The following XRCC4 variants were observed in gnomAD, a reference collection of about 807,000 sequenced individuals.
XRCC4 encodes the protein X-ray repair cross complementing 4.
A neutral mutation model predicts 39.1 loss-of-function variants in XRCC4; 28 were observed. The ratio of observed to expected loss-of-function variants is 0.72; its 90% CI spans 0.53 to 0.98. The LOEUF is 0.98. XRCC4 is among the 50% of genes least tolerant of loss of function. XRCC4 has a pLI of 0.00. For missense variants in XRCC4, 350 were observed against 376.4 expected (o/e 0.93, Z 0.58); for synonymous variants, 123 against 126.4 (o/e 0.97, Z 0.18).
intron 6 of XRCC4, among the ~76,000 whole-genome samples, chr5:83,210,212 G>A (rs536460537): frequency 2.2e-4 from 33 of 152,106 alleles, no homozygotes; most frequent in Non-Finnish European, 4.1e-4. Context: ...AGATTACTCA[G>A]AAACTCAGCT....
chr5:83,280,223 G>T, intron 7 of XRCC4: 1 of 321,018 alleles, frequency 3.1e-6, no homozygotes. Flanking sequence ...GATGTATATT[G>T]CCCCAACACA....
intron 7 of XRCC4, among the ~76,000 whole-genome samples, chr5:83,327,946 A>G (rs1195959179): frequency 4.6e-5 from 7 of 152,150 alleles, no homozygotes; most frequent in Admixed American, 3.9e-4. Flanking sequence ...AATAAAATAT[A>G]TAAGTCTTGA....
At chr5:83,301,618 C>T (rs1453562649) in intron 7 of XRCC4, among the ~76,000 whole-genome samples, 3 of 152,110 alleles carry the variant, frequency 2.0e-5, no homozygotes, top group African/African-American at 7.2e-5. Flanking sequence ...GTTGCAATTG[C>T]TTTTGGTGTT....
chr5:83,211,633 AC>A (rs1189013302), intron 6 of XRCC4, among the ~76,000 whole-genome samples: 10 of 152,320 alleles, frequency 6.6e-5, no homozygotes, highest in African/African-American at 1.4e-4. Flanking sequence ...CCCTCCCCCA[AC>A]AAAAGAAAAG....
chr5:83,150,087 T>G (rs143569539), intron 3 of XRCC4, among the ~76,000 whole-genome samples: 179 of 152,310 alleles, frequency 1.2e-3, no homozygotes, highest in African/African-American at 4.1e-3. Flanking sequence ...AATTTAATCT[T>G]CTATTCGTGG....
intron 7 of XRCC4, among the ~76,000 whole-genome samples, chr5:83,298,951 G>A (rs906824431): frequency 6.6e-5 from 10 of 151,794 alleles, no homozygotes; most frequent in African/African-American, 2.4e-4. Context: ...TGTTTCTAAA[G>A]AATAAGACAT....
chr5:83,204,317 G>A (rs144321915), intron 5 of XRCC4, among the ~76,000 whole-genome samples: 6 of 152,222 alleles, frequency 3.9e-5, no homozygotes, highest in East Asian at 3.9e-4. Context: ...TACCAGTGAC[G>A]TAGTATAAAA....
chr5:83,341,236 A>G (rs1368449206), intron 7 of XRCC4, among the ~76,000 whole-genome samples: 1 of 152,054 alleles, frequency 6.6e-6, no homozygotes, highest in Non-Finnish European at 1.5e-5. Flanking sequence ...AATATTCAGC[A>G]AAAGTATCCC....
chr5:83,346,468 G>T (rs1229105172), intron 7 of XRCC4, among the ~76,000 whole-genome samples: 1 of 152,128 alleles, frequency 6.6e-6, no homozygotes, highest in East Asian at 1.9e-4. Flanking sequence ...AATATTTATA[G>T]AGATGTCTAA....
At chr5:83,210,048 A>T (rs974183017) in intron 6 of XRCC4, among the ~76,000 whole-genome samples, 4 of 152,128 alleles carry the variant, frequency 2.6e-5, no homozygotes, top group Non-Finnish European at 5.9e-5. Context: ...CCTTTTTGAA[A>T]ATAAATGAAT....
intron 3 of XRCC4, among the ~76,000 whole-genome samples, chr5:83,152,703 G>T (rs1229320491): frequency 7.9e-5 from 12 of 151,134 alleles, no homozygotes; most frequent in African/African-American, 2.9e-4. Context: ...AAGGTTTTTG[G>T]AAAGATCTAT....
At chr5:83,250,692 G>A (rs201396731) in intron 6 of XRCC4, among the ~76,000 whole-genome samples, 1 of 140,832 alleles carries the variant, frequency 7.1e-6, no homozygotes, top group Admixed American at 7.2e-5. Flanking sequence ...TTTAAAGCCA[G>A]GCTTTTCTTA....
intron 6 of XRCC4, among the ~76,000 whole-genome samples, chr5:83,257,204 T>C (rs2112892139): frequency 6.6e-6 from 1 of 151,990 alleles, no homozygotes; most frequent in East Asian, 1.9e-4. Context: ...ACAGTAAAAA[T>C]AACAGGCTTA....
chr5:83,230,667 A>G (rs936033621), intron 6 of XRCC4, among the ~76,000 whole-genome samples: 4 of 152,018 alleles, frequency 2.6e-5, no homozygotes, highest in African/African-American at 9.7e-5. Context: ...TTTATAGCAT[A>G]TGTTACAAGG....
At chr5:83,193,813 T>A (rs1750817340) in intron 3 of XRCC4, among the ~76,000 whole-genome samples, 1 of 152,242 alleles carries the variant, frequency 6.6e-6, no homozygotes, top group Non-Finnish European at 1.5e-5. Flanking sequence ...TTTGTGGGTT[T>A]ATGTTTTGCT....
downstream of XRCC4, among the ~76,000 whole-genome samples, chr5:83,358,116 T>G (rs1164578264): frequency 1.4e-5 from 2 of 140,804 alleles, no homozygotes; most frequent in African/African-American, 5.5e-5. Context: ...TAATAAACGC[T>G]TTTCGGGAAG....
At chr5:83,129,681 G>A (rs1029588827) in intron 3 of XRCC4, among the ~76,000 whole-genome samples, 4 of 151,910 alleles carry the variant, frequency 2.6e-5, no homozygotes, top group African/African-American at 9.7e-5. Flanking sequence ...TCCTTGAAGA[G>A]GTCCTTCGCA....
At chr5:83,313,361 C>A (rs1397302173) in intron 7 of XRCC4, among the ~76,000 whole-genome samples, 2 of 152,102 alleles carry the variant, frequency 1.3e-5, no homozygotes, top group Non-Finnish European at 2.9e-5. Context: ...AACACATTTA[C>A]ATCTAACCCA....
At chr5:83,280,107 A>T in intron 7 of XRCC4, 1 of 209,536 alleles carries the variant, frequency 4.8e-6, no homozygotes. Flanking sequence ...CACATTTTTC[A>T]GTAGCCTGGA....
Sources: gnomAD v4.1 joint callset for allele counts (sites outside exome capture counted in the v4.1 genomes callset) on GRCh38, gnomAD v4.1.1 for gene constraint, MANE v1.5 for transcripts, NCBI Gene and HGNC (gene_info 2026-07-23, HGNC 2026-07-21) for gene names.